DICER1: variants seen among roughly 807,000 people sequenced by gnomAD.
The protein encoded by DICER1 is dicer 1, ribonuclease III.
In DICER1, 43 loss-of-function variants were observed where a neutral mutation model predicts 194.1. The ratio of observed to expected loss-of-function variants is 0.22; its 90% CI spans 0.17 to 0.29. The LOEUF (loss-of-function observed/expected upper bound fraction) is 0.29. Among genes scored for constraint, DICER1 ranks in the 10% least tolerant of loss-of-function variants. The pLI is 1.00. For missense variants in DICER1, 1,608 were observed against 2,317.0 expected (o/e 0.69, Z 6.28); for synonymous variants, 832 against 820.5 (o/e 1.01, Z -0.24).
Position 95,124,118 on chromosome 14 carries a change from C to T in DICER1, c.1376+78G>A. The T allele has an allele frequency of 9.5e-7, 1 of 1,052,622 alleles. No homozygotes were observed. Among genetic ancestry groups the T allele is most frequent in the South Asian group, 1.3e-5 (1 of 77,514 alleles). The allele number at this position is 1,052,622 out of a possible 1,614,324, so 65.2% of individuals were successfully genotyped here. On this transcript the variant is annotated intron_variant, in intron 8 of 26. Coordinates refer to ENST00000343455, the MANE Select transcript of DICER1 (RefSeq NM_177438.3). The surrounding 1 kb of genome is among the most constrained non-coding windows in gnomAD (Gnocchi z 4.5). ...TACATAACCCTCATGCTAGCTCTTA[C>T]AGCTGCTGCAGCGCATCACATCACA...
At chr14:95,150,869 C>CG (rs1595509444) in intron 1 of DICER1, among the ~76,000 whole-genome samples, 1 of 151,988 alleles carries the variant, frequency 6.6e-6, no homozygotes, top group South Asian at 2.1e-4. Flanking sequence ...CTATTTTTGC[C>CG]GGGGGAAAGA....
rs1889583339 is a variant in DICER1, at chr14:95,089,224, A to G, written c.*1274T>C. On this transcript the variant is annotated 3_prime_UTR_variant, in exon 27 of 27. Transcript: ENST00000343455. ...AGTTTTTTTTTTTTTCCTTTTCCAAAGATGGAAATAATGAGCTAGTTTATC... is the reference window on the plus strand; with the variant it reads ...AGTTTTTTTTTTTTTCCTTTTCCAAGGATGGAAATAATGAGCTAGTTTATC... 4.3e-6 allele frequency: 1 copy of G among 233,026 alleles called. No individual in the cohort carries two copies. Among genetic ancestry groups the G allele is most frequent in the Non-Finnish European group, 8.5e-6 (1 of 118,012 alleles). The allele number at this position is 233,026 out of a possible 1,614,324, so 14.4% of individuals were successfully genotyped here. A position where few individuals can be genotyped will look rare whatever the true frequency, so the allele number is the denominator to read the frequency against.
In DICER1 at chr14:95,096,965, TTTAAG is replaced by T. The variant is rs72404731; in HGVS notation, c.4207-257_4207-253del. Among the ~76,000 whole-genome samples, 4,325 of 152,316 alleles carry T rather than the reference TTTAAG, an allele frequency of 0.028. 164 individuals carry two copies. Among genetic ancestry groups the T allele is most frequent in the East Asian group, 0.16 (826 of 5,178 alleles). The stretch of plus-strand genomic sequence containing the variant: ...AAATGACCTTTATCCAGTATGAAGC[TTTAAG>T]TTAAGGACTTTGAACATGGATATAA... On this transcript the variant is annotated intron_variant, in intron 22 of 26. Coordinates refer to ENST00000343455, the MANE Select transcript of DICER1 (RefSeq NM_177438.3).
In DICER1 at chr14:95,113,018, G is replaced by C; in HGVS notation, c.2040+74C>G. ...AATCAAATTTACCTATAACTTGCAA[G>C]TCTTAGAAAAGCTGAAAAAATCCAC... On this transcript the variant is annotated intron_variant, in intron 12 of 26. Transcript: ENST00000343455. 3.3e-6 allele frequency: 5 copies of C among 1,495,810 alleles called. No individual in the cohort carries two copies. In the South Asian group the frequency reaches 5.7e-5, roughly 17 times the overall value. The allele number at this position is 1,495,810 out of a possible 1,614,324, so 92.7% of individuals were successfully genotyped here.
chr14:95,117,754 T>C lies in DICER1; in HGVS notation c.1377A>G (p.Arg459=), dbSNP rs1243651929. The C allele has an allele frequency of 6.2e-7, 1 of 1,613,838 alleles. No individual in the cohort carries two copies. ...ERRYTAVVLN[R]LIKEAGKQDP... The stretch of plus-strand genomic sequence containing the variant: ...CTTGTTTGCCAGCTTCCTTTATCAA[T>C]CTAAGAAAATTATACACATTTGGAA... Residue 459 remains arginine (R), a splice_region_variant and synonymous_variant, in exon 9 of 27, where the codon AGA becomes AGG. Transcript: ENST00000343455.
intron 23 of DICER1, 133 bp downstream of exon 23, chr14:95,095,692 G>T: frequency 1.0e-6 from 1 of 985,840 alleles, no homozygotes. Context: ...TATTCCTTTT[G>T]TTCCCCGCCC....
In DICER1 at chr14:95,107,997, A is replaced by C. The variant is rs1182299033; in HGVS notation, c.2533T>G (p.Leu845Val). The C allele has an allele frequency of 1.9e-6, 3 of 1,613,508 alleles. No homozygotes were observed. The highest frequency in any genetic ancestry group is 2.5e-6 in the Non-Finnish European group (3 of 1,179,426). ...GFMLSLQMLE[L>V]ITRLHQYIFS... The stretch of plus-strand genomic sequence containing the variant: ...ATATACTGGTGAAGTCTTGTAATCA[A>C]CTCAAGCATTTGTAGAGACAACATG... Residue 845 changes from leucine to valine, a missense_variant, in exon 16 of 27, where the codon TTG (leucine) becomes GTG (valine). By Grantham distance (32) the Leu-to-Val change is conservative (BLOSUM62 1). Coordinates refer to ENST00000343455, the MANE Select transcript of DICER1 (RefSeq NM_177438.3).
rs1889676874 is a variant in DICER1, at chr14:95,090,323, T to G, written c.*175A>C. ...TAAAACTACAATTAGTTCCAAAATT[T>G]TATACATATGTTAAATGTTTTATTC... On this transcript the variant is annotated 3_prime_UTR_variant, in exon 27 of 27. Transcript: ENST00000343455. 2.8e-6 allele frequency: 2 copies of G among 707,912 alleles called. No homozygotes were observed. The highest frequency in any genetic ancestry group is 4.7e-6 in the Non-Finnish European group (2 of 429,744). 43.9% of individuals were successfully genotyped at this position (707,912 alleles called of 1,614,324 possible).
chr14:95,132,615 C>T lies in DICER1; in HGVS notation c.207G>A (p.Gly69=). ...NTIVCLNTGS[G]KTFIAVLLTK... ...TGAGTAGTACTGCAATAAATGTCTT[C>T]CCTGAGCCAGTGTTTAAACAGACGA... Residue 69 remains glycine (G), a synonymous_variant, in exon 3 of 27, where the codon GGG becomes GGA. Transcript: ENST00000343455. 6.2e-7 allele frequency: 1 copy of T among 1,613,912 alleles called. No homozygotes were observed. The highest frequency in any genetic ancestry group is 1.1e-5 in the South Asian group (1 of 91,070).
intron 8 of DICER1, among the ~76,000 whole-genome samples, chr14:95,119,382 T>C (rs1238352647): frequency 6.6e-6 from 1 of 152,130 alleles, no homozygotes; most frequent in East Asian, 1.9e-4. Context: ...ACATGGGATA[T>C]ACCTATGCTA....
intron 7 of DICER1, among the ~76,000 whole-genome samples, chr14:95,126,333 A>C (rs1269291870): frequency 2.0e-5 from 3 of 152,234 alleles, no homozygotes; most frequent in African/African-American, 7.2e-5. Flanking sequence ...CCTTATACTT[A>C]AATAACCATG....
In DICER1 at chr14:95,096,344, C is replaced by T. The variant is rs2139847858; in HGVS notation, c.4576G>A (p.Gly1526Arg). 6.2e-7 allele frequency: 1 copy of T among 1,614,186 alleles called. No homozygotes were observed. Among genetic ancestry groups the T allele is most frequent in the Non-Finnish European group, 8.5e-7 (1 of 1,180,030 alleles). The change falls in exon 23 of 27, where the codon GGG (glycine) becomes AGG (arginine). Residue 1526 changes from glycine (G) to arginine (R), a missense_variant. Physicochemically the swap from Gly to Arg is moderately radical, Grantham distance 125. Coordinates refer to ENST00000343455, the MANE Select transcript of DICER1 (RefSeq NM_177438.3). The stretch of plus-strand genomic sequence containing the variant: ...TTTTCTTCTGATGGATTCCAGAACC[C>T]CACCACAAAGTCATCTTCTTCAACA... ...KAVEEDDFVV[G>R]FWNPSEENCG... is the part of the protein sequence containing the mutation.
intron 4 of DICER1, among the ~76,000 whole-genome samples, chr14:95,130,414 GA>G (rs1323610872): frequency 7.9e-5 from 12 of 152,192 alleles, no homozygotes; most frequent in Non-Finnish European, 1.8e-4. Context: ...CTTGATAATG[GA>G]AAGCATGTCT....
intron 12 of DICER1, 23 bp downstream of exon 12, chr14:95,113,069 A>G (rs1892119258): frequency 1.2e-6 from 2 of 1,610,912 alleles, no homozygotes; most frequent in South Asian, 2.2e-5. Flanking sequence ...AAAGATAACA[A>G]TCATTTCTTC....
At chr14:95,102,768 G>T (rs917719462) in intron 21 of DICER1, among the ~76,000 whole-genome samples, 1 of 152,004 alleles carries the variant, frequency 6.6e-6, no homozygotes, top group Non-Finnish European at 1.5e-5. Flanking sequence ...TTAAGAGCCC[G>T]CCCTTTCTCT....
chr14:95,151,872 G>GGACTAAATAC (rs1213026526), intron 1 of DICER1, among the ~76,000 whole-genome samples: 7 of 152,116 alleles, frequency 4.6e-5, no homozygotes, highest in Admixed American at 3.9e-4. Context: ...ACATCTCAGA[G>GGACTAAATAC]GACTAAATAC....
rs753080447 is a variant in DICER1 at position 95,129,636 on chromosome 14, ACAT to A, written c.574-7_574-5del. 1.1e-5 allele frequency: 17 copies of A among 1,609,822 alleles called. No homozygotes were observed. The highest frequency in any genetic ancestry group is 1.4e-5 in the Non-Finnish European group (16 of 1,179,642). ...ATGATGGACAATTTTCACAGAGCTA[ACAT>A]AATAAAAGATACTGACAGTAAAGAC... On this transcript the variant is annotated splice_region_variant and splice_polypyrimidine_tract_variant and intron_variant, in intron 5 of 26. Transcript: ENST00000343455.
At position 95,087,146 on chromosome 14, in the gene DICER1, A is replaced by C. The variant is rs1889398609; in HGVS notation, c.*3352T>G. On this transcript the variant is annotated 3_prime_UTR_variant, in exon 27 of 27. Transcript: ENST00000343455. ...CCTGCCTCCAGGGAGCGACTGAAGA[A>C]GCCGACTGCCGGGGGAACACCTGGA... is the stretch of plus-strand genomic sequence containing the variant. 4.3e-6 allele frequency: 1 copy of C among 233,184 alleles called. No homozygotes were observed. The highest frequency in any genetic ancestry group is 2.2e-5 in the African/African-American group (1 of 45,332). The allele number at this position is 233,184 out of a possible 1,614,324, so 14.4% of individuals were successfully genotyped here.
chr14:95,092,379 C>CTAA (rs1386643586), intron 24 of DICER1, among the ~76,000 whole-genome samples: 2 of 151,924 alleles, frequency 1.3e-5, no homozygotes, highest in African/African-American at 4.8e-5. Flanking sequence ...TTTACTTGTA[C>CTAA]TAACTTTTCT....
Sources: gnomAD v4.1 joint callset for allele counts (sites outside exome capture counted in the v4.1 genomes callset) on GRCh38, gnomAD v4.1.1 for gene constraint, Gnocchi (gnomAD v3.1) non-coding constraint, MANE v1.5 for transcripts, NCBI Gene and HGNC (gene_info 2026-07-23, HGNC 2026-07-21) for gene names.